PDE8A: variants seen among roughly 807,000 people sequenced by gnomAD.
PDE8A encodes phosphodiesterase 8A.
A neutral mutation model predicts 105.0 loss-of-function variants in PDE8A; 59 were observed. That is an observed-to-expected ratio of 0.56 (90% confidence interval 0.46 to 0.70). The LOEUF (loss-of-function observed/expected upper bound fraction) is 0.70. PDE8A is among the 30% of genes least tolerant of loss of function. The probability of loss-of-function intolerance (pLI) is 0.00; values close to 1 mark genes in which losing one functional copy is unlikely to be tolerated. For missense variants in PDE8A, 1,014 were observed against 1,045.9 expected, an observed-to-expected ratio of 0.97 and a Z score of 0.42; for synonymous variants, 355 against 371.9, an observed-to-expected ratio of 0.95 and a Z score of 0.52.
At chr15:85,029,315 C>T (rs917765450) in intron 1 of PDE8A, among the ~76,000 whole-genome samples, 3 of 151,916 alleles carry the variant, frequency 2.0e-5, no homozygotes, top group African/African-American at 7.3e-5. Context: ...TTAGTGTTGG[C>T]TACCGTCGGA....
intron 9 of PDE8A, 22 bp from the exon 10 acceptor site, chr15:85,099,993 A>G (rs1295191508): frequency 6.3e-7 from 1 of 1,586,478 alleles, no homozygotes; most frequent in Non-Finnish European, 8.6e-7. Context: ...AAGAGAAATA[A>G]TGCATTGTTT....
intron 1 of PDE8A, among the ~76,000 whole-genome samples, chr15:85,061,841 G>A (rs866178896): frequency 1.3e-5 from 2 of 152,120 alleles, no homozygotes; most frequent in Non-Finnish European, 1.5e-5. Context: ...CCCTCTCTAA[G>A]TGTGCTCATT....
At chr15:84,997,261 T>G (rs1376250298) in intron 1 of PDE8A, among the ~76,000 whole-genome samples, 1 of 152,146 alleles carries the variant, frequency 6.6e-6, no homozygotes, top group Non-Finnish European at 1.5e-5. Context: ...TGGTGCGATC[T>G]TGGCTTACTG....
chr15:85,017,227 G>T lies in PDE8A; in HGVS notation c.186+34879G>T, dbSNP rs192382690. On this transcript the variant is annotated intron_variant, in intron 1 of 21. Transcript: ENST00000394553. ...AGTGAGCCGAGATTGCGCCACTGCAGTCCGCAGTCCGGCCTGGGCGACAGA... is the reference window on the plus strand; with the variant it reads ...AGTGAGCCGAGATTGCGCCACTGCATTCCGCAGTCCGGCCTGGGCGACAGA... 2.7e-3 allele frequency among the ~76,000 whole-genome samples: 413 copies of T among 150,202 alleles called. 1 individual carries two copies. The highest frequency in any genetic ancestry group is 9.8e-3 in the African/African-American group (400 of 40,920).
At chr15:85,123,272 TATC>T in intron 19 of PDE8A, 79 bp downstream of exon 19, 4 of 1,417,802 alleles carry the variant, frequency 2.8e-6, no homozygotes, top group Non-Finnish European at 4.0e-6. Flanking sequence ...TGGGCTATGA[TATC>T]AGCCACAGAA....
At chr15:85,021,126 C>A (rs991277250) in intron 1 of PDE8A, among the ~76,000 whole-genome samples, 1 of 152,154 alleles carries the variant, frequency 6.6e-6, no homozygotes, top group African/African-American at 2.4e-5. Flanking sequence ...ATTGAGGGAG[C>A]TTGTTCTCCT....
intron 1 of PDE8A, among the ~76,000 whole-genome samples, chr15:85,048,870 G>A (rs1457300061): frequency 6.6e-6 from 1 of 152,204 alleles, no homozygotes; most frequent in Non-Finnish European, 1.5e-5. Flanking sequence ...GGAGGCCAAG[G>A]CAGACAGATC....
intron 1 of PDE8A, among the ~76,000 whole-genome samples, chr15:85,042,539 G>A (rs1033630938): frequency 3.9e-5 from 6 of 152,142 alleles, no homozygotes; most frequent in African/African-American, 9.7e-5. Context: ...AAGGAGGCTG[G>A]GGTTAACAAT....
At chr15:85,106,368 C>G (rs960516728) in intron 11 of PDE8A, among the ~76,000 whole-genome samples, 3 of 152,176 alleles carry the variant, frequency 2.0e-5, no homozygotes, top group Non-Finnish European at 4.4e-5. Context: ...CACCCTTTTC[C>G]CCACTGACCA....
Position 85,139,129 on chromosome 15 carries a change from T to A in PDE8A, c.*1226T>A, listed in dbSNP as rs567941266. 6.6e-6 allele frequency: 1 copy of A among 152,340 alleles called. No homozygotes were observed. Among genetic ancestry groups the A allele is most frequent in the East Asian group, 1.9e-4 (1 of 5,194 alleles). The allele number at this position is 152,340 out of a possible 1,614,324, so 9.4% of individuals were successfully genotyped here. On this transcript the variant is annotated 3_prime_UTR_variant, in exon 22 of 22. Coordinates refer to ENST00000394553, the MANE Select transcript of PDE8A (RefSeq NM_002605.3). ...CCAGATAAAAATGAAATTAAACCAT[T>A]TCTTTTTAAGAAATCATGTTTTATC...
chr15:85,007,708 GGGA>G (rs1465302848), intron 1 of PDE8A, among the ~76,000 whole-genome samples: 1 of 151,962 alleles, frequency 6.6e-6, no homozygotes, highest in Non-Finnish European at 1.5e-5. Context: ...CAGGAGTGCT[GGGA>G]GGATTAAATG....
Position 85,007,779 on chromosome 15 carries a change from T to G in PDE8A, c.186+25431T>G, listed in dbSNP as rs528403951. On this transcript the variant is annotated intron_variant, in intron 1 of 21. Transcript: ENST00000394553. ...ACTCCCAGAGTGTTGCGTATTATTA[T>G]TTTTTAAATAATTATTATAAATGCG... is the stretch of plus-strand genomic sequence containing the variant. Among the ~76,000 whole-genome samples the G allele has an allele frequency of 2.4e-4, 36 of 152,252 alleles. No individual in the cohort carries two copies. The South Asian group carries it at 7.5e-3, about 32-fold the overall frequency.
At chr15:85,009,110 AGT>A (rs56313426) in intron 1 of PDE8A, among the ~76,000 whole-genome samples, 1,448 of 64,070 alleles carry the variant, frequency 0.023, 18 homozygotes, top group East Asian at 0.066. Flanking sequence ...AGAGAGAGAG[AGT>A]GTGTGTGTGT....
intron 4 of PDE8A, 42 bp from the exon 5 acceptor site, chr15:85,076,691 G>T: frequency 1.6e-6 from 2 of 1,242,652 alleles, no homozygotes; most frequent in South Asian, 2.4e-5. Context: ...AGATGTAATT[G>T]ATAAAAACTA....
At chr15:85,072,264 G>A (rs2081322624) in intron 3 of PDE8A, among the ~76,000 whole-genome samples, 1 of 152,162 alleles carries the variant, frequency 6.6e-6, no homozygotes, top group East Asian at 1.9e-4. Flanking sequence ...TCATTAAAGG[G>A]CTGGGCTATG....
At chr15:85,085,675 CAA>C (rs34469124) in intron 6 of PDE8A, among the ~76,000 whole-genome samples, 3 of 115,374 alleles carry the variant, frequency 2.6e-5, no homozygotes, top group Non-Finnish European at 3.6e-5. Flanking sequence ...GACTCTGTCT[CAA>C]AAAAAAAAAA....
chr15:85,003,026 T>A (rs2080090606), intron 1 of PDE8A, among the ~76,000 whole-genome samples: 1 of 152,212 alleles, frequency 6.6e-6, no homozygotes, highest in Non-Finnish European at 1.5e-5. Context: ...TAGTGAGATG[T>A]CATGAATTTT....
intron 1 of PDE8A, among the ~76,000 whole-genome samples, chr15:85,027,372 G>C (rs1175988004): frequency 6.6e-6 from 1 of 151,760 alleles, no homozygotes; most frequent in Admixed American, 6.5e-5. Context: ...TAATAATAAA[G>C]AGACAGCTAC....
intron 3 of PDE8A, among the ~76,000 whole-genome samples, chr15:85,073,221 G>A (rs560387202): frequency 1.5e-4 from 23 of 152,238 alleles, no homozygotes; most frequent in African/African-American, 4.6e-4. Flanking sequence ...CTTGAATTCT[G>A]ACTTCCTGAA....
Sources: gnomAD v4.1 joint callset for allele counts (sites outside exome capture counted in the v4.1 genomes callset) on GRCh38, gnomAD v4.1.1 for gene constraint, MANE v1.5 for transcripts, NCBI Gene and HGNC (gene_info 2026-07-23, HGNC 2026-07-21) for gene names.